The following ZNF827 variants were observed in gnomAD, a reference collection of about 807,000 sequenced individuals.
The protein encoded by ZNF827 is zinc finger protein 827.
ZNF827 carries 13 observed loss-of-function variants against 102.4 expected under a neutral mutation model. That is an observed-to-expected ratio of 0.13 (90% CI 0.08 to 0.20). The LOEUF is 0.20. Ranked by LOEUF, ZNF827 falls within the 10% of genes least tolerant of loss-of-function variation. The pLI, the probability that ZNF827 is intolerant of heterozygous loss-of-function variation, is 1.00. For synonymous variants in ZNF827, 523 were observed against 536.2 expected (o/e 0.98, Z 0.34); for missense variants, 1,103 against 1,344.4 (o/e 0.82, Z 2.81).
At chr4:145,833,791 C>G (rs578137891) in intron 7 of ZNF827, among the ~76,000 whole-genome samples, 1 of 151,956 alleles carries the variant, frequency 6.6e-6, no homozygotes, top group Non-Finnish European at 1.5e-5. Context: ...TATCTCTGTG[C>G]CCCAATCCCT....
chr4:145,837,964 T>C (rs1745035563), intron 7 of ZNF827, among the ~76,000 whole-genome samples: 1 of 151,934 alleles, frequency 6.6e-6, no homozygotes, highest in South Asian at 2.1e-4. Context: ...TCGCCCATTC[T>C]CTCTCCATAC....
intron 7 of ZNF827, chr4:145,839,670 C>G (rs576450160): frequency 6.6e-6 from 1 of 152,370 alleles, no homozygotes; most frequent in South Asian, 2.1e-4. Context: ...AGAACAGCAT[C>G]TAAGCCTCAC....
intron 8 of ZNF827, among the ~76,000 whole-genome samples, chr4:145,780,265 T>C (rs911995025): frequency 6.6e-6 from 1 of 152,152 alleles, no homozygotes; most frequent in Non-Finnish European, 1.5e-5. Flanking sequence ...AAATAAATGG[T>C]CCTATCCCTT....
chr4:145,859,892 C>T (rs911009935), intron 5 of ZNF827, among the ~76,000 whole-genome samples: 2 of 152,124 alleles, frequency 1.3e-5, no homozygotes, highest in Non-Finnish European at 2.9e-5. Flanking sequence ...ATGAACAATG[C>T]TTTGGAAGAA....
At chr4:145,883,003 A>T (rs573466277) in intron 4 of ZNF827, among the ~76,000 whole-genome samples, 1 of 152,236 alleles carries the variant, frequency 6.6e-6, no homozygotes, top group East Asian at 1.9e-4. Flanking sequence ...CAGGTAGGGC[A>T]TCACAGTGAG....
intron 5 of ZNF827, 53 bp from the exon 6 acceptor site, chr4:145,849,614 A>G: frequency 6.2e-7 from 1 of 1,603,456 alleles, no homozygotes; most frequent in South Asian, 1.1e-5. Context: ...CTTAATTCCA[A>G]GCTAGACCCA....
Position 145,760,715 on chromosome 4 carries a change from T to G in ZNF827, c.*901A>C. ...CACCTGCTGGGGTTGTGTTTAAGTT[T>G]TGTGGTTTTTTTTTTTTTTTTTGTC... On this transcript the variant is annotated 3_prime_UTR_variant, in exon 15 of 15. Transcript: ENST00000508784. The G allele has an allele frequency of 7.0e-6, 7 of 1,001,164 alleles. No individual in the cohort carries two copies. Among genetic ancestry groups the G allele is most frequent in the Non-Finnish European group, 8.4e-6 (7 of 834,628 alleles). The allele number at this position is 1,001,164 out of a possible 1,614,324, so 62.0% of individuals were successfully genotyped here.
intron 5 of ZNF827, among the ~76,000 whole-genome samples, chr4:145,851,171 G>C (rs1263966761): frequency 6.6e-6 from 1 of 152,194 alleles, no homozygotes; most frequent in Non-Finnish European, 1.5e-5. Flanking sequence ...CCAACATTTT[G>C]ATTTCAGACT....
chr4:145,780,237 T>C (rs1249674880), intron 8 of ZNF827, among the ~76,000 whole-genome samples: 2 of 152,020 alleles, frequency 1.3e-5, no homozygotes, highest in Admixed American at 1.3e-4. Flanking sequence ...GAATTGTAAA[T>C]CTCAGATTCT....
intron 8 of ZNF827, among the ~76,000 whole-genome samples, chr4:145,794,014 A>C (rs1272913772): frequency 6.6e-6 from 1 of 152,160 alleles, no homozygotes; most frequent in Non-Finnish European, 1.5e-5. Flanking sequence ...GCTGAGGTTC[A>C]GGTTCTTAAT....
intron 4 of ZNF827, among the ~76,000 whole-genome samples, chr4:145,884,367 C>T (rs1220410088): frequency 1.3e-5 from 2 of 152,164 alleles, no homozygotes; most frequent in African/African-American, 4.8e-5. Flanking sequence ...ACCTCTAATT[C>T]ACCTGGCAAT....
chr4:145,777,907 C>T (rs1737352834), intron 9 of ZNF827, among the ~76,000 whole-genome samples: 1 of 151,896 alleles, frequency 6.6e-6, no homozygotes, highest in African/African-American at 2.4e-5. Flanking sequence ...TTATTTTCTC[C>T]CTTTTTCTTT....
chr4:145,885,561 T>C (rs761189414), intron 4 of ZNF827, 117 bp downstream of exon 4: 29 of 1,398,498 alleles, frequency 2.1e-5, no homozygotes, highest in East Asian at 1.0e-4. Context: ...CTTGAAATCA[T>C]CTAGTTCTAC....
Position 145,823,510 on chromosome 4 carries a change from T to C in ZNF827, c.2295A>G (p.Glu765=). The change falls in exon 8 of 15, where the codon GAA becomes GAG. Residue 765 remains glutamate (E), a synonymous_variant. Coordinates refer to ENST00000508784, the MANE Select transcript of ZNF827 (RefSeq NM_001306215.2). Reference sequence around the variant, plus strand: ...TGAATGGTGATTGTCTAAATGTGTCTTCTGAAAAGAAAGGGCTGGGGTGGG... The same window carrying C: ...TGAATGGTGATTGTCTAAATGTGTCCTCTGAAAAGAAAGGGCTGGGGTGGG... ...IRTTTSPFFS[E]DTFRQSPFTS... is the part of the protein sequence containing the mutation. 6.2e-7 allele frequency: 1 copy of C among 1,613,804 alleles called. No individual in the cohort carries two copies.
chr4:145,847,922 G>A (rs1027841), intron 6 of ZNF827, among the ~76,000 whole-genome samples: 29,221 of 152,106 alleles, frequency 0.19, 3,918 homozygotes, highest in East Asian at 0.64. Flanking sequence ...GACAATGAGC[G>A]TGAATTTGGA....
At chr4:145,768,403 G>A (rs1340656373) in intron 11 of ZNF827, among the ~76,000 whole-genome samples, 1 of 152,110 alleles carries the variant, frequency 6.6e-6, no homozygotes, top group Non-Finnish European at 1.5e-5. Context: ...GACCTCAAGT[G>A]ATCTGCCCAC....
chr4:145,871,823 T>C (rs905249094), intron 4 of ZNF827, among the ~76,000 whole-genome samples: 6 of 152,172 alleles, frequency 3.9e-5, no homozygotes, highest in African/African-American at 1.2e-4. Flanking sequence ...ACCAGCATAT[T>C]TGGAAACTGA....
intron 7 of ZNF827, chr4:145,839,502 T>C (rs1238685051): frequency 6.6e-6 from 1 of 152,280 alleles, no homozygotes; most frequent in East Asian, 1.9e-4. Context: ...TGCAAGCCTC[T>C]GTCATGTGGA....
intron 11 of ZNF827, among the ~76,000 whole-genome samples, chr4:145,767,117 G>A (rs1238324250): frequency 6.6e-6 from 1 of 152,186 alleles, no homozygotes; most frequent in Admixed American, 6.5e-5. Context: ...ACCCAGAACA[G>A]ACACAGTTGT....
Sources: gnomAD v4.1 joint callset for allele counts (sites outside exome capture counted in the v4.1 genomes callset) on GRCh38, gnomAD v4.1.1 for gene constraint, MANE v1.5 for transcripts, NCBI Gene and HGNC (gene_info 2026-07-23, HGNC 2026-07-21) for gene names.